Variants in FOXP1 observed in about 807,000 individuals in gnomAD.
FOXP1 encodes the protein forkhead box protein P1.
A neutral mutation model predicts 98.2 loss-of-function variants in FOXP1; 15 were observed. The ratio of observed to expected loss-of-function variants is 0.15; its 90% CI spans 0.10 to 0.24. The LOEUF is 0.24. FOXP1 is among the 10% of genes least tolerant of loss of function. The pLI, the probability that FOXP1 is intolerant of heterozygous loss-of-function variation, is 1.00. For missense variants in FOXP1, 633 were observed against 848.5 expected, an observed-to-expected ratio of 0.75 and a Z score of 3.15; for synonymous variants, 371 against 314.5, an observed-to-expected ratio of 1.18 and a Z score of -1.90.
intron 4 of FOXP1, among the ~76,000 whole-genome samples, chr3:71,314,790 C>CA (rs1280017659): frequency 6.6e-6 from 1 of 151,476 alleles, no homozygotes; most frequent in Non-Finnish European, 1.5e-5. Context: ...CACCAACTAC[C>CA]AAAAAAGACT....
intron 2 of FOXP1, among the ~76,000 whole-genome samples, chr3:71,543,761 TG>T (rs2045092999): frequency 6.6e-6 from 1 of 152,240 alleles, no homozygotes; most frequent in African/African-American, 2.4e-5. Flanking sequence ...CTTCTGTGCC[TG>T]GAGCAGGCAG....
chr3:71,496,587 C>T (rs1053495639), intron 2 of FOXP1, among the ~76,000 whole-genome samples: 2 of 152,018 alleles, frequency 1.3e-5, no homozygotes, highest in African/African-American at 2.4e-5. Flanking sequence ...TTTGGGAGGC[C>T]GAGGCGGGCG....
At chr3:71,395,142 A>G (rs2081295167) in intron 3 of FOXP1, among the ~76,000 whole-genome samples, 1 of 149,752 alleles carries the variant, frequency 6.7e-6, no homozygotes, top group Non-Finnish European at 1.5e-5. Flanking sequence ...TGGATAATCC[A>G]GACAAAACCA....
intron 2 of FOXP1, among the ~76,000 whole-genome samples, chr3:71,566,908 C>T (rs906827309): frequency 6.6e-6 from 1 of 152,124 alleles, no homozygotes; most frequent in African/African-American, 2.4e-5. Flanking sequence ...CCCTGAAACA[C>T]ACACACACCC....
chr3:71,142,432 G>C (rs145060031), intron 6 of FOXP1, among the ~76,000 whole-genome samples: 87 of 152,336 alleles, frequency 5.7e-4, no homozygotes, highest in African/African-American at 1.9e-3. Context: ...GAGTGGGCCT[G>C]ATGGAATCAC....
intron 5 of FOXP1, among the ~76,000 whole-genome samples, chr3:71,224,023 T>G (rs1015207945): frequency 1.4e-4 from 22 of 152,038 alleles, no homozygotes; most frequent in African/African-American, 5.3e-4. Context: ...ACTAAGGAGG[T>G]GATCAAAGAA....
intron 18 of FOXP1, chr3:70,971,987 AC>A: frequency 1.5e-6 from 2 of 1,360,624 alleles, no homozygotes; most frequent in South Asian, 2.0e-5. Flanking sequence ...GAAAAAAAAA[AC>A]AAAAGCAAGT....
chr3:71,008,426 C>T (rs1576102659), intron 12 of FOXP1, among the ~76,000 whole-genome samples: 1 of 152,244 alleles, frequency 6.6e-6, no homozygotes, highest in East Asian at 1.9e-4. Flanking sequence ...CTTCACACCA[C>T]TCTGGATGAT....
At chr3:71,298,367 G>A (rs1028064839) in intron 5 of FOXP1, among the ~76,000 whole-genome samples, 7 of 151,862 alleles carry the variant, frequency 4.6e-5, no homozygotes, top group Admixed American at 3.9e-4. Flanking sequence ...CAGGAGGGTG[G>A]GGCAGGAGAA....
chr3:71,022,488 A>C (rs1024930537), intron 11 of FOXP1, among the ~76,000 whole-genome samples: 11 of 152,228 alleles, frequency 7.2e-5, no homozygotes, highest in Non-Finnish European at 1.5e-4. Context: ...ATAAGTGCCT[A>C]AGGGCAACTT....
In FOXP1 at chr3:71,055,872, A is replaced by C. The variant is rs181625433; in HGVS notation, c.283-2099T>G. On this transcript the variant is annotated intron_variant, in intron 7 of 20. Coordinates refer to ENST00000649528, the MANE Select transcript of FOXP1 (RefSeq NM_001349338.3). ...ATGATGTACAATATAAATATTCTTG[A>C]GCCAAATTCTGATGGTGATGAACAG... Among the ~76,000 whole-genome samples the C allele has an allele frequency of 1.9e-3, 289 of 152,306 alleles. 1 individual carries two copies. Among genetic ancestry groups the C allele is most frequent in the African/African-American group, 6.2e-3 (257 of 41,570 alleles).
intron 12 of FOXP1, among the ~76,000 whole-genome samples, chr3:71,009,950 C>CT (rs1237706404): frequency 1.4e-5 from 2 of 144,786 alleles, no homozygotes; most frequent in African/African-American, 5.2e-5. Flanking sequence ...GAGATAGGGT[C>CT]TTGCTATGTT....
chr3:71,477,248 G>A (rs1346789883), intron 3 of FOXP1, among the ~76,000 whole-genome samples: 4 of 152,130 alleles, frequency 2.6e-5, no homozygotes, highest in African/African-American at 9.7e-5. Flanking sequence ...CAAGGTGCTG[G>A]AAGTGTCCCA....
At chr3:71,482,152 A>G (rs2090325825) in intron 3 of FOXP1, among the ~76,000 whole-genome samples, 2 of 152,116 alleles carry the variant, frequency 1.3e-5, no homozygotes, top group African/African-American at 4.8e-5. Context: ...AACATTTAGA[A>G]GAAAAGTTCC....
intron 4 of FOXP1, among the ~76,000 whole-genome samples, chr3:71,329,072 T>C (rs950553003): frequency 3.3e-5 from 5 of 150,892 alleles, no homozygotes; most frequent in Non-Finnish European, 5.9e-5. Flanking sequence ...ACTGGCTTGG[T>C]TGCCCAGCCC....
intron 5 of FOXP1, chr3:71,245,179 G>A (rs2067632829): frequency 6.6e-6 from 1 of 152,202 alleles, no homozygotes; most frequent in Non-Finnish European, 1.5e-5. Context: ...AAGCAGTTAG[G>A]AGCTTTCTCC....
At chr3:71,257,268 T>C (rs531191203) in intron 5 of FOXP1, among the ~76,000 whole-genome samples, 1 of 152,244 alleles carries the variant, frequency 6.6e-6, no homozygotes, top group East Asian at 1.9e-4. Context: ...AACACAGTTT[T>C]GGCAATATTT....
intron 3 of FOXP1, among the ~76,000 whole-genome samples, chr3:71,444,419 A>G (rs1308935210): frequency 6.6e-6 from 1 of 151,580 alleles, no homozygotes; most frequent in Non-Finnish European, 1.5e-5. Context: ...GTGGGGACAG[A>G]ACTTCCTGCA....
At chr3:71,581,297 T>C (rs2048146285) in intron 2 of FOXP1, 2 of 985,214 alleles carry the variant, frequency 2.0e-6, no homozygotes, top group Non-Finnish European at 2.4e-6. Flanking sequence ...ATCGGAGCAC[T>C]TTACACTCCA....
Sources: gnomAD v4.1 joint callset for allele counts (sites outside exome capture counted in the v4.1 genomes callset) on GRCh38, gnomAD v4.1.1 for gene constraint, MANE v1.5 for transcripts, NCBI Gene and HGNC (gene_info 2026-07-23, HGNC 2026-07-21) for gene names.